The following DYNC2H1 variants were observed in gnomAD, a reference collection of about 807,000 sequenced individuals.
DYNC2H1 encodes the protein dynein cytoplasmic 2 heavy chain 1.
A neutral mutation model predicts 570.0 loss-of-function variants in DYNC2H1; 410 were observed. The observed-to-expected ratio is 0.72, with a 90% CI of 0.66 to 0.78. The LOEUF (loss-of-function observed/expected upper bound fraction) is 0.78, where lower values mean the gene tolerates loss of function less well. Ranked by LOEUF, DYNC2H1 falls within the 30% of genes least tolerant of loss-of-function variation. The pLI is 0.00. For missense variants in DYNC2H1, 4,865 were observed against 5,046.4 expected, an observed-to-expected ratio of 0.96 and a Z score of 1.09; for synonymous variants, 1,688 against 1,677.6, an observed-to-expected ratio of 1.01 and a Z score of -0.15.
At position 103,282,196 on chromosome 11, in the gene DYNC2H1, A is replaced by C. The variant is rs1230436531; in HGVS notation, c.10779A>C (p.Thr3593=). The C allele has an allele frequency of 1.2e-6, 2 of 1,608,668 alleles. No individual in the cohort carries two copies. Among genetic ancestry groups the C allele is most frequent in the Admixed American group, 1.7e-5 (1 of 59,480 alleles). ...TTCAATAGGAATGGGATACGTTTAC[A>C]GGTGTGGTTGTTGGAGACATGTTAC... is the stretch of plus-strand genomic sequence containing the variant. The part of the protein sequence containing the change: ...LFQENEWDTF[T]GVVVGDMLRK... The change falls in exon 72 of 89, where the codon ACA becomes ACC. Residue 3593 remains threonine, a synonymous_variant. Coordinates refer to ENST00000375735, the MANE Select transcript of DYNC2H1 (RefSeq NM_001377.3).
chr11:103,399,410 C>G (rs1942542607), intron 83 of DYNC2H1, among the ~76,000 whole-genome samples: 1 of 150,832 alleles, frequency 6.6e-6, no homozygotes, highest in Admixed American at 6.6e-5. Context: ...CCTGCGTTGG[C>G]CCCCCAGAGT....
rs1014503441 is a variant in DYNC2H1, at chr11:103,199,836, C to T, written c.8089-210C>T. Among the ~76,000 whole-genome samples the T allele has an allele frequency of 6.6e-6, 1 of 151,932 alleles. No homozygotes were observed. Among genetic ancestry groups the T allele is most frequent in the Non-Finnish European group, 1.5e-5 (1 of 67,976 alleles). ...GATCTACTTGTTTTAATTTTAATGG[C>T]CTAGCTGTAAAATAATTAGTATTTA... On this transcript the variant is annotated intron_variant, in intron 49 of 88. Coordinates refer to ENST00000375735, the MANE Select transcript of DYNC2H1 (RefSeq NM_001377.3). The surrounding 1 kb of genome is among the most constrained non-coding windows in gnomAD (Gnocchi z 4.6).
chr11:103,304,846 A>T (rs3758863), intron 77 of DYNC2H1, 126 bp downstream of exon 77: 7 of 1,018,416 alleles, frequency 6.9e-6, no homozygotes, highest in Non-Finnish European at 7.8e-6. Context: ...AGAAATTTTA[A>T]ATTTAAATAT....
chr11:103,301,145 T>G (rs1867028675), intron 75 of DYNC2H1, among the ~76,000 whole-genome samples: 1 of 151,940 alleles, frequency 6.6e-6, no homozygotes, highest in African/African-American at 2.4e-5. Flanking sequence ...ATGGTCTGAT[T>G]TTTCTGTAAA....
rs1942379218 is a variant in DYNC2H1, at chr11:103,395,891, C to A, written c.12157-3772C>A. Among the ~76,000 whole-genome samples the A allele has an allele frequency of 1.3e-5, 2 of 152,154 alleles. No individual in the cohort carries two copies. Among genetic ancestry groups the A allele is most frequent in the Admixed American group, 1.3e-4 (2 of 15,266 alleles). On this transcript the variant is annotated intron_variant, in intron 83 of 88. Transcript: ENST00000375735. The surrounding 1 kb of genome is among the most constrained non-coding windows in gnomAD (Gnocchi z 4.3). The stretch of plus-strand genomic sequence containing the variant: ...AGAGGAATGAAGGGTTACTTGAGGG[C>A]AAAGGTAGAATTTCCATTACATAGA...
In DYNC2H1 at chr11:103,463,544, G is replaced by A. The variant is rs1945092186; in HGVS notation, c.12649-5045G>A. On this transcript the variant is annotated intron_variant, in intron 87 of 88. Coordinates refer to ENST00000375735, the MANE Select transcript of DYNC2H1 (RefSeq NM_001377.3). The stretch of plus-strand genomic sequence containing the variant: ...GCAAGCAGATCGCTTGAGCCCAGGT[G>A]TTTAAGACCAGCCTGAGCAACATGG... Among the ~76,000 whole-genome samples, 4 of 152,150 alleles carry A rather than the reference G, an allele frequency of 2.6e-5. No homozygotes were observed. In the South Asian group the frequency reaches 8.3e-4, roughly 31 times the overall value.
At chr11:103,348,448 C>T (rs1203707393) in intron 82 of DYNC2H1, among the ~76,000 whole-genome samples, 2 of 152,094 alleles carry the variant, frequency 1.3e-5, no homozygotes, top group Non-Finnish European at 2.9e-5. Context: ...AGCACTCCCT[C>T]CTCTTTCTTC....
At position 103,199,536 on chromosome 11, in the gene DYNC2H1, A is replaced by C; in HGVS notation, c.8088+60A>C. On this transcript the variant is annotated intron_variant, in intron 49 of 88. Coordinates refer to ENST00000375735, the MANE Select transcript of DYNC2H1 (RefSeq NM_001377.3). This position sits in a 1 kb window ranked among gnomAD's most constrained non-coding sequence, Gnocchi z 4.6. The stretch of plus-strand genomic sequence containing the variant: ...TTAAATTACATTGGTTATTACTCTA[A>C]ACATCTTTAAAGACCTAAAGGTTTA... 7.1e-7 allele frequency: 1 copy of C among 1,403,450 alleles called. No individual in the cohort carries two copies. The highest frequency in any genetic ancestry group is 9.3e-7 in the Non-Finnish European group (1 of 1,073,384). The allele number at this position is 1,403,450 out of a possible 1,614,324, so 86.9% of individuals were successfully genotyped here.
chr11:103,184,776 T>C lies in DYNC2H1; in HGVS notation c.6478-120T>C, dbSNP rs1268897835. On this transcript the variant is annotated intron_variant, in intron 40 of 88. Transcript: ENST00000375735. Reference sequence around the variant, plus strand: ...AAATCCAAACTTTCTACAGTTTGAATAGAGGAGTGAGTTTAAAAATGGTTC... The same window carrying C: ...AAATCCAAACTTTCTACAGTTTGAACAGAGGAGTGAGTTTAAAAATGGTTC... The C allele has an allele frequency of 3.2e-6, 3 of 937,560 alleles. 1 individual carries two copies. The highest frequency in any genetic ancestry group is 5.0e-5 in the South Asian group (2 of 40,354). The allele number at this position is 937,560 out of a possible 1,614,324, so 58.1% of individuals were successfully genotyped here.
intron 83 of DYNC2H1, among the ~76,000 whole-genome samples, chr11:103,389,334 G>T (rs1942032974): frequency 6.6e-6 from 1 of 152,148 alleles, no homozygotes; most frequent in Non-Finnish European, 1.5e-5. Context: ...ATTTCTGTGG[G>T]ATCGGTGGTG....
chr11:103,228,920 G>A lies in DYNC2H1; in HGVS notation c.9354-2340G>A, dbSNP rs959571458. ...GTGGGGCTTGTTGTGGCTGCTGTGG[G>A]GGAGGGGGGTGTGGTTTCCAGTCCA... On this transcript the variant is annotated intron_variant, in intron 59 of 88. Coordinates refer to ENST00000375735, the MANE Select transcript of DYNC2H1 (RefSeq NM_001377.3). This position sits in a 1 kb window ranked among gnomAD's most constrained non-coding sequence, Gnocchi z 6.1. Among the ~76,000 whole-genome samples, 1 of 152,090 alleles carries A rather than the reference G, an allele frequency of 6.6e-6. No homozygotes were observed. The highest frequency in any genetic ancestry group is 2.4e-5 in the African/African-American group (1 of 41,416).
chr11:103,160,906 A>G, intron 28 of DYNC2H1, 26 bp from the exon 29 acceptor site: 5 of 1,369,928 alleles, frequency 3.6e-6, no homozygotes, highest in South Asian at 1.4e-5. Context: ...TCCTTTTGCA[A>G]TTCAATCATT....
rs547126235 is a variant in DYNC2H1 at position 103,163,866 on chromosome 11, C to G, written c.4611+719C>G. On this transcript the variant is annotated intron_variant, in intron 30 of 88. Coordinates refer to ENST00000375735, the MANE Select transcript of DYNC2H1 (RefSeq NM_001377.3). This position sits in a 1 kb window ranked among gnomAD's most constrained non-coding sequence, Gnocchi z 4.6. ...GCAGCTCTCAAAGTTATTTGCTTTT[C>G]AAATAAAAAAAAATGTAGTGGCTAT... Among the ~76,000 whole-genome samples the G allele has an allele frequency of 1.3e-5, 2 of 151,766 alleles. No homozygotes were observed. Among genetic ancestry groups the G allele is most frequent in the Non-Finnish European group, 2.9e-5 (2 of 67,880 alleles).
chr11:103,342,588 C>T (rs1302952753), intron 82 of DYNC2H1, among the ~76,000 whole-genome samples: 4 of 151,330 alleles, frequency 2.6e-5, no homozygotes, highest in Non-Finnish European at 5.9e-5. Flanking sequence ...CTGCAAGCTC[C>T]GCCTCCCAGG....
In DYNC2H1 at chr11:103,371,936, T is replaced by G. The variant is rs1252567089; in HGVS notation, c.12156+13577T>G. 9.2e-4 allele frequency among the ~76,000 whole-genome samples: 134 copies of G among 145,052 alleles called. 2 individuals are homozygous for G. The East Asian group carries it at 0.023, about 25-fold the overall frequency. On this transcript the variant is annotated intron_variant, in intron 83 of 88. Coordinates refer to ENST00000375735, the MANE Select transcript of DYNC2H1 (RefSeq NM_001377.3). ...TTCCTTTCCCATTTGGGTTTTTTTT[T>G]TTTTTTTTTTTTTTTTGTCTTGCCT...
At chr11:103,297,472 C>T (rs1354342171) in intron 75 of DYNC2H1, among the ~76,000 whole-genome samples, 2 of 151,978 alleles carry the variant, frequency 1.3e-5, no homozygotes, top group East Asian at 1.9e-4. Context: ...ATAGAGTGTA[C>T]GTAAACCTTG....
At chr11:103,396,634 A>G (rs539640177) in intron 83 of DYNC2H1, among the ~76,000 whole-genome samples, 1 of 152,342 alleles carries the variant, frequency 6.6e-6, no homozygotes, top group South Asian at 2.1e-4. Flanking sequence ...TATCCCACCT[A>G]GGAAATTGTT....
At chr11:103,168,546 T>A (rs1045442719) in intron 31 of DYNC2H1, among the ~76,000 whole-genome samples, 2 of 152,200 alleles carry the variant, frequency 1.3e-5, no homozygotes, top group Non-Finnish European at 2.9e-5. Flanking sequence ...AATTTTGATA[T>A]CTTAATTTTT....
chr11:103,258,462 A>G (rs1057390609), intron 69 of DYNC2H1, among the ~76,000 whole-genome samples: 1 of 152,144 alleles, frequency 6.6e-6, no homozygotes, highest in African/African-American at 2.4e-5. Flanking sequence ...TTTAGTCAGG[A>G]CTCAGCAGGG....
Sources: gnomAD v4.1 joint callset for allele counts (sites outside exome capture counted in the v4.1 genomes callset) on GRCh38, gnomAD v4.1.1 for gene constraint, Gnocchi (gnomAD v3.1) non-coding constraint, MANE v1.5 for transcripts, NCBI Gene and HGNC (gene_info 2026-07-23, HGNC 2026-07-21) for gene names.